The following ECT2 variants were observed in gnomAD, a reference collection of about 807,000 sequenced individuals.
The protein encoded by ECT2 is protein ECT2.
A neutral mutation model predicts 116.9 loss-of-function variants in ECT2; 61 were observed. The ratio of observed to expected loss-of-function variants is 0.52; its 90% confidence interval spans 0.42 to 0.65. The LOEUF (loss-of-function observed/expected upper bound fraction) is 0.65. Ranked by LOEUF, ECT2 falls within the 30% of genes least tolerant of loss-of-function variation. The probability of loss-of-function intolerance (pLI) is 0.00; values close to 1 mark genes in which losing one functional copy is unlikely to be tolerated. For missense variants in ECT2, 937 were observed against 1,078.7 expected, an observed-to-expected ratio of 0.87 and a Z score of 1.84; for synonymous variants, 358 against 346.4, an observed-to-expected ratio of 1.03 and a Z score of -0.37.
chr3:172,803,936 C>G (rs748345422), intron 20 of ECT2, among the ~76,000 whole-genome samples: 1 of 151,930 alleles, frequency 6.6e-6, no homozygotes, highest in Admixed American at 6.6e-5. Context: ...TCGCAAGTAG[C>G]TGAGACTATA....
rs753925881 is a variant in ECT2 at position 172,807,972 on chromosome 3, G to A, written c.2400+48G>A. On this transcript the variant is annotated intron_variant, in intron 22 of 24. Transcript: ENST00000392692. ...TAATGAAAGTTTAAATTTCATGACAGTGCATTCAGACTAAACCTGTACATT... is the reference window on the plus strand; with the variant it reads ...TAATGAAAGTTTAAATTTCATGACAATGCATTCAGACTAAACCTGTACATT... The A allele has an allele frequency of 3.2e-6, 5 of 1,555,050 alleles. No individual in the cohort carries two copies. In the East Asian group the frequency reaches 1.1e-4, roughly 35 times the overall value.
intron 12 of ECT2, among the ~76,000 whole-genome samples, chr3:172,766,061 T>A (rs955774602): frequency 2.0e-5 from 3 of 152,204 alleles, no homozygotes; most frequent in African/African-American, 7.2e-5. Context: ...AAATAAGTAA[T>A]CTTTAAGAGA....
At chr3:172,829,185 C>A in the ECT2 span, 1 of 428,890 alleles carries the variant, frequency 2.3e-6, no homozygotes, top group Non-Finnish European at 4.3e-6. Context: ...TTTCAGTCTC[C>A]CAGCTTTAGC....
downstream of ECT2, among the ~76,000 whole-genome samples, chr3:172,823,795 G>A (rs574112974): frequency 2.6e-5 from 4 of 152,138 alleles, no homozygotes; most frequent in African/African-American, 7.2e-5. Context: ...TCAGTGGGTC[G>A]TAATCTTTTC....
intron 14 of ECT2, among the ~76,000 whole-genome samples, chr3:172,781,529 G>T (rs1023102251): frequency 6.6e-6 from 1 of 152,018 alleles, no homozygotes; most frequent in Non-Finnish European, 1.5e-5. Context: ...TTCAATTAGG[G>T]CCTGTCATTT....
chr3:172,802,958 T>C lies in ECT2; in HGVS notation c.2084T>C (p.Phe695Ser). ...GACAGAGGAGAACAAGTAACTCTCT[T>C]CCTCTTCAATGATTGCCTAGAGGTA... ...PCDRGEQVTL[F>S]LFNDCLEIAR... is the part of the protein sequence containing the mutation. The change falls in exon 20 of 25, where the codon TTC (phenylalanine) becomes TCC (serine). Residue 695 changes from phenylalanine to serine, a missense_variant. Phe to Ser is a radical substitution (Grantham distance 155). Coordinates refer to ENST00000392692, the MANE Select transcript of ECT2 (RefSeq NM_001258315.2). 1 of 1,612,112 alleles carries C rather than the reference T, an allele frequency of 6.2e-7. No homozygotes were observed.
chr3:172,778,370 G>A (rs1444775438), intron 14 of ECT2, among the ~76,000 whole-genome samples: 1 of 152,106 alleles, frequency 6.6e-6, no homozygotes, highest in Non-Finnish European at 1.5e-5. Context: ...CCTCAGAAAT[G>A]TTGTAAGAAG....
intron 14 of ECT2, among the ~76,000 whole-genome samples, chr3:172,776,198 C>CTTTTTTTTTTTTTTTTTTTTTTTTTTTT (rs60558773): frequency 9.0e-6 from 1 of 111,600 alleles, no homozygotes; most frequent in African/African-American, 3.5e-5. Context: ...TCAGTTTTTT[C>CTTTTTTTTTTTTTTTTTTTTTTTTTTTT]TTTTTTTTTT....
At chr3:172,775,205 C>A (rs1721428723) in intron 14 of ECT2, among the ~76,000 whole-genome samples, 1 of 152,162 alleles carries the variant, frequency 6.6e-6, no homozygotes, top group Non-Finnish European at 1.5e-5. Flanking sequence ...AGTACTTGAG[C>A]AAAGTTGATC....
intron 1 of ECT2, among the ~76,000 whole-genome samples, chr3:172,751,845 T>G (rs1289975335): frequency 4.6e-5 from 7 of 152,094 alleles, no homozygotes. Context: ...AATACAGTAA[T>G]TTGAAAAAAA....
chr3:172,786,513 G>A lies in ECT2; in HGVS notation c.1846G>A (p.Asp616Asn), dbSNP rs1326356837. The A allele has an allele frequency of 6.2e-7, 1 of 1,609,984 alleles. No individual in the cohort carries two copies. Among genetic ancestry groups the A allele is most frequent in the African/African-American group, 1.3e-5 (1 of 74,792 alleles). The change falls in exon 18 of 25, where the codon GAT becomes AAT. Residue 616 changes from aspartate (D) to asparagine (N), a missense_variant. Coordinates refer to ENST00000392692, the MANE Select transcript of ECT2 (RefSeq NM_001258315.2). ...LLNDLKKHTA[D>N]ENPDKSTLEK... The stretch of plus-strand genomic sequence containing the variant: ...TACAGATCTTAAGAAGCATACAGCT[G>A]ATGAAAATCCAGACAAAAGCACTTT...
At chr3:172,780,637 C>G (rs1173336702) in intron 14 of ECT2, among the ~76,000 whole-genome samples, 1 of 152,184 alleles carries the variant, frequency 6.6e-6, no homozygotes, top group South Asian at 2.1e-4. Context: ...CGTCAGCCTC[C>G]TGAGAAGCTC....
chr3:172,786,268 A>G (rs1576947873), intron 17 of ECT2, among the ~76,000 whole-genome samples: 1 of 152,362 alleles, frequency 6.6e-6, no homozygotes, highest in East Asian at 1.9e-4. Flanking sequence ...ATAGCAGTGT[A>G]AGAAAATCAG....
At chr3:172,787,947 A>G (rs915875600) in intron 18 of ECT2, among the ~76,000 whole-genome samples, 1 of 152,246 alleles carries the variant, frequency 6.6e-6, no homozygotes, top group South Asian at 2.1e-4. Flanking sequence ...AATAGTGTCA[A>G]GCTGGCTGCT....
At position 172,784,720 on chromosome 3, in the gene ECT2, A is replaced by T; in HGVS notation, c.1742A>T (p.Lys581Ile). Reference protein sequence around the residue: ...FHAFLKINQAKPECGRQSLVE... With the variant: ...FHAFLKINQAIPECGRQSLVE... The stretch of plus-strand genomic sequence containing the variant: ...AATTGTTTTCAGATAAACCAAGCAA[A>T]ACCAGAATGTGGACGGCAGAGCCTT... The change falls in exon 17 of 25, where the codon AAA becomes ATA. Residue 581 changes from lysine (K) to isoleucine (I), a missense_variant. Physicochemically the swap from Lys to Ile is moderately radical, Grantham distance 102. Coordinates refer to ENST00000392692, the MANE Select transcript of ECT2 (RefSeq NM_001258315.2). 1 of 1,613,488 alleles carries T rather than the reference A, an allele frequency of 6.2e-7. No homozygotes were observed.
At chr3:172,776,403 A>G (rs902172834) in intron 14 of ECT2, among the ~76,000 whole-genome samples, 1 of 152,126 alleles carries the variant, frequency 6.6e-6, no homozygotes, top group African/African-American at 2.4e-5. Flanking sequence ...AGGGAGAGAA[A>G]TACCCATAAT....
intron 21 of ECT2, 140 bp downstream of exon 21, chr3:172,806,009 G>A: frequency 1.2e-6 from 1 of 861,062 alleles, no homozygotes. Flanking sequence ...AATTGTTCTT[G>A]CACCTCTATC....
chr3:172,819,376 T>G (rs1023376795), intron 24 of ECT2, among the ~76,000 whole-genome samples: 5 of 152,142 alleles, frequency 3.3e-5, no homozygotes, highest in Non-Finnish European at 5.9e-5. Flanking sequence ...CTTTGCATGT[T>G]ATTTGTTAGA....
At chr3:172,788,693 A>G (rs896024959) in intron 18 of ECT2, among the ~76,000 whole-genome samples, 8 of 152,258 alleles carry the variant, frequency 5.3e-5, no homozygotes, top group African/African-American at 1.7e-4. Context: ...ACACTATACT[A>G]TAGCCTGTGA....
Sources: allele counts gnomAD v4.1 joint callset (sites outside exome capture counted in the v4.1 genomes callset), GRCh38; gene constraint gnomAD v4.1.1; transcripts MANE v1.5; gene names NCBI Gene and HGNC (gene_info 2026-07-23, HGNC 2026-07-21).